The following KITLG variants were observed in gnomAD, a reference collection of about 807,000 sequenced individuals.
The protein encoded by KITLG is c-Kit ligand.
KITLG carries 13 observed loss-of-function variants against 34.1 expected under a neutral mutation model. The observed-to-expected ratio is 0.38, with a 90% CI of 0.25 to 0.61. The LOEUF (loss-of-function observed/expected upper bound fraction) is 0.61. KITLG is among the 20% of genes least tolerant of loss of function. The pLI, the probability that KITLG is intolerant of heterozygous loss-of-function variation, is 0.60. For missense variants in KITLG, 292 were observed against 318.9 expected, an observed-to-expected ratio of 0.92 and a Z score of 0.64; for synonymous variants, 110 against 104.0, an observed-to-expected ratio of 1.06 and a Z score of -0.35.
intron 9 of KITLG, among the ~76,000 whole-genome samples, chr12:88,501,319 G>A (rs1303743438): frequency 6.6e-6 from 1 of 152,138 alleles, no homozygotes; most frequent in African/African-American, 2.4e-5. Context: ...CCATAAACCT[G>A]AGTCATTCCT....
chr12:88,563,467 T>G (rs577127643), intron 1 of KITLG, among the ~76,000 whole-genome samples: 1 of 152,336 alleles, frequency 6.6e-6, no homozygotes, highest in East Asian at 1.9e-4. Context: ...GAAAGTCGCA[T>G]GCCAGACTAC....
At position 88,496,466 on chromosome 12, in the gene KITLG, A is replaced by G. The variant is rs1344704786; in HGVS notation, c.*753T>C. The G allele has an allele frequency of 6.6e-6, 1 of 152,198 alleles. No individual in the cohort carries two copies. Among genetic ancestry groups the G allele is most frequent in the Non-Finnish European group, 1.5e-5 (1 of 68,036 alleles). The allele number at this position is 152,198 out of a possible 1,614,324, so 9.4% of individuals were successfully genotyped here. A position where few individuals can be genotyped will look rare whatever the true frequency, so the allele number is the denominator to read the frequency against. On this transcript the variant is annotated 3_prime_UTR_variant, in exon 10 of 10. Coordinates refer to ENST00000644744, the MANE Select transcript of KITLG (RefSeq NM_000899.5). ...TTCTTGGCAGACTGTTCTGATGTTC[A>G]GTGTTCTTAACTTCTTCCTGCGATG...
intron 2 of KITLG, 59 bp downstream of exon 2, chr12:88,545,693 C>T: frequency 3.1e-6 from 3 of 956,080 alleles, no homozygotes; most frequent in South Asian, 1.4e-5. Flanking sequence ...TATCAACAAG[C>T]ACAGGAAAAA....
chr12:88,532,135 G>A (rs1234222465), intron 3 of KITLG, among the ~76,000 whole-genome samples: 1 of 152,034 alleles, frequency 6.6e-6, no homozygotes, highest in Non-Finnish European at 1.5e-5. Context: ...TAGGATTTGG[G>A]TATCCTGATG....
At position 88,507,051 on chromosome 12, in the gene KITLG, CA is replaced by C. The variant is rs1869091660; in HGVS notation, c.690del (p.Phe230LeufsTer31). 6.2e-7 allele frequency: 1 copy of C among 1,609,896 alleles called. No homozygotes were observed. The highest frequency in any genetic ancestry group is 8.5e-7 in the Non-Finnish European group (1 of 1,176,212). On this transcript the variant is annotated frameshift_variant, in exon 7 of 10. Transcript: ENST00000644744. LOFTEE classifies it high-confidence loss of function. ...LPALFSLIIG[F>X]AFGALYWKKR... Reference sequence around the variant, plus strand: ...ACCTTCCAGTATAAGGCTCCAAAAGCAAAGCCAATTATAAGAGAAAACAATG... The same window carrying C: ...ACCTTCCAGTATAAGGCTCCAAAAGCAAGCCAATTATAAGAGAAAACAATG...
At chr12:88,513,673 G>T (rs1869360018) in intron 6 of KITLG, among the ~76,000 whole-genome samples, 1 of 151,536 alleles carries the variant, frequency 6.6e-6, no homozygotes, top group Non-Finnish European at 1.5e-5. Flanking sequence ...GATAATGAGG[G>T]ATATTTCAGT....
intron 2 of KITLG, 84 bp from the exon 3 acceptor site, chr12:88,532,587 C>A: frequency 1.1e-6 from 1 of 908,054 alleles, no homozygotes; most frequent in Non-Finnish European, 1.8e-6. Flanking sequence ...GAAAAGCACA[C>A]AAAACTGTTG....
At chr12:88,556,913 T>C (rs1007878450) in intron 1 of KITLG, among the ~76,000 whole-genome samples, 2 of 152,092 alleles carry the variant, frequency 1.3e-5, no homozygotes, top group Non-Finnish European at 2.9e-5. Flanking sequence ...TACTAAAGAG[T>C]ACTTAATGGA....
chr12:88,580,433 G>A lies in KITLG; in HGVS notation c.-155C>T, dbSNP rs1261137107. On this transcript the variant is annotated 5_prime_UTR_variant, in exon 1 of 10. Transcript: ENST00000644744. ...GCCCTCTCCACTGTCCCTGCTTCCC[G>A]CAGCGCTTCTAGTCTCGGCGCGAGG... 5.5e-6 allele frequency: 5 copies of A among 909,404 alleles called. No homozygotes were observed. The East Asian group carries it at 8.0e-5, about 15-fold the overall frequency. The allele number at this position is 909,404 out of a possible 1,614,324, so 56.3% of individuals were successfully genotyped here.
intron 1 of KITLG, among the ~76,000 whole-genome samples, chr12:88,551,844 T>C (rs965794502): frequency 6.6e-6 from 1 of 152,148 alleles, no homozygotes; most frequent in Non-Finnish European, 1.5e-5. Context: ...CGTTAAGAAC[T>C]AGAGATGAAG....
intron 7 of KITLG, 53 bp downstream of exon 7, chr12:88,506,975 G>T: frequency 1.0e-6 from 1 of 974,884 alleles, no homozygotes; most frequent in Non-Finnish European, 1.7e-6. Context: ...AAAAAAAGAT[G>T]ATAATTTATG....
intron 2 of KITLG, among the ~76,000 whole-genome samples, chr12:88,535,670 AAT>A (rs1870288792): frequency 6.6e-6 from 1 of 152,188 alleles, no homozygotes; most frequent in Non-Finnish European, 1.5e-5. Flanking sequence ...TCGCTTAATA[AAT>A]TATTGTGTTA....
intron 2 of KITLG, among the ~76,000 whole-genome samples, chr12:88,540,947 C>A (rs1870498906): frequency 6.6e-6 from 1 of 152,024 alleles, no homozygotes; most frequent in African/African-American, 2.4e-5. Flanking sequence ...GAAGGTCAAA[C>A]AAAATTATGT....
chr12:88,573,603 A>G (rs975282067), intron 1 of KITLG, among the ~76,000 whole-genome samples: 2 of 152,164 alleles, frequency 1.3e-5, no homozygotes, highest in African/African-American at 2.4e-5. Flanking sequence ...AAAAGAGGGA[A>G]AAGTTCTAAG....
intron 1 of KITLG, among the ~76,000 whole-genome samples, chr12:88,573,919 C>A (rs1189875099): frequency 6.6e-6 from 1 of 152,212 alleles, no homozygotes; most frequent in African/African-American, 2.4e-5. Context: ...ACCTGGAACA[C>A]AGAAAAGGCT....
At chr12:88,533,183 T>C (rs1870165563) in intron 2 of KITLG, among the ~76,000 whole-genome samples, 1 of 152,224 alleles carries the variant, frequency 6.6e-6, no homozygotes, top group African/African-American at 2.4e-5. Context: ...GTCTCAAATA[T>C]TTGCCTAGGT....
At chr12:88,532,388 C>A in intron 3 of KITLG, 53 bp downstream of exon 3, 2 of 1,256,674 alleles carry the variant, frequency 1.6e-6, no homozygotes, top group Admixed American at 1.7e-5. Context: ...TATGAATGAT[C>A]CCATTTCTTC....
intron 2 of KITLG, among the ~76,000 whole-genome samples, chr12:88,536,170 T>A (rs1437343138): frequency 2.6e-5 from 4 of 152,010 alleles, no homozygotes; most frequent in African/African-American, 7.3e-5. Flanking sequence ...AGATCTAATA[T>A]CCAGAATCTA....
intron 1 of KITLG, among the ~76,000 whole-genome samples, chr12:88,572,595 TTATATA>T (rs58146008): frequency 2.2e-3 from 297 of 134,914 alleles, no homozygotes; most frequent in African/African-American, 7.8e-3. Context: ...ATATACATTA[TTATATA>T]TATATATATA....
Sources: gnomAD v4.1 joint callset for allele counts (sites outside exome capture counted in the v4.1 genomes callset) on GRCh38, gnomAD v4.1.1 for gene constraint, MANE v1.5 for transcripts, NCBI Gene and HGNC (gene_info 2026-07-23, HGNC 2026-07-21) for gene names.